The following LRRC57 variants were observed in gnomAD, a reference collection of about 807,000 sequenced individuals.
LRRC57 encodes the protein leucine rich repeat containing 57.
Under a neutral mutation model 23.1 loss-of-function variants are expected in LRRC57, and 14 were observed. The observed-to-expected ratio is 0.61, with a 90% CI of 0.40 to 0.95. The LOEUF (loss-of-function observed/expected upper bound fraction) is 0.95. Ranked by LOEUF, LRRC57 falls within the 40% of genes least tolerant of loss-of-function variation. LRRC57 has a pLI of 0.00. For synonymous variants in LRRC57, 106 were observed against 115.2 expected (o/e 0.92, Z 0.51); for missense variants, 236 against 284.4 (o/e 0.83, Z 1.22).
In LRRC57 at chr15:42,544,072, C is replaced by T; in HGVS notation, c.*11G>A. Reference sequence around the variant, plus strand: ...CAGTATCCTGTAAGGTTTCCATAGTCCTGGAGAACTTCACGCAAACTTCTT... The same window carrying T: ...CAGTATCCTGTAAGGTTTCCATAGTTCTGGAGAACTTCACGCAAACTTCTT... On this transcript the variant is annotated 3_prime_UTR_variant, in exon 6 of 6. Coordinates refer to ENST00000397130, the MANE Select transcript of LRRC57 (RefSeq NM_153260.3). 6.2e-7 allele frequency: 1 copy of T among 1,612,736 alleles called. No individual in the cohort carries two copies. The highest frequency in any genetic ancestry group is 1.3e-5 in the African/African-American group (1 of 74,932).
At chr15:42,534,086 G>A (rs2057587386), downstream of LRRC57, among the ~76,000 whole-genome samples, 1 of 152,138 alleles carries the variant, frequency 6.6e-6, no homozygotes, top group South Asian at 2.1e-4. Flanking sequence ...GCTGGGTGTG[G>A]TGGCATGTGC....
chr15:42,532,404 T>C, the LRRC57 span: 1 of 152,226 alleles, frequency 6.6e-6, no homozygotes, highest in African/African-American at 2.4e-5. Flanking sequence ...TAAAGTGAGC[T>C]TAATTTCTGA....
downstream of LRRC57, among the ~76,000 whole-genome samples, chr15:42,536,304 T>C (rs566487513): frequency 1.1e-4 from 16 of 152,328 alleles, no homozygotes; most frequent in Non-Finnish European, 1.3e-4. Context: ...GTGAAAAAAC[T>C]TAATGGAGTG....
At chr15:42,528,710 C>T in the LRRC57 span, among the ~76,000 whole-genome samples, 8 of 152,044 alleles carry the variant, frequency 5.3e-5, no homozygotes, top group African/African-American at 1.4e-4. Context: ...CTCAGCCTTC[C>T]GAGTAGCTGG....
At position 42,545,133 on chromosome 15, in the gene LRRC57, C is replaced by T; in HGVS notation, c.622G>A (p.Val208Met). Residue 208 changes from valine to methionine, a missense_variant, in exon 5 of 6, where the codon GTG (valine) becomes ATG (methionine). By Grantham distance (21) the Val-to-Met change is conservative. Coordinates refer to ENST00000397130, the MANE Select transcript of LRRC57 (RefSeq NM_153260.3). ...LSDSQICLLA[V>M]EGNLFEIKKL... ...TTTATTTCAAAAAGATTGCCTTCCA[C>T]AGCAAGCAGACAGATCTGGGAATCA... 1 of 1,609,148 alleles carries T rather than the reference C, an allele frequency of 6.2e-7. No homozygotes were observed. Among genetic ancestry groups the T allele is most frequent in the Non-Finnish European group, 8.5e-7 (1 of 1,177,970 alleles).
At chr15:42,529,195 A>C in the LRRC57 span, among the ~76,000 whole-genome samples, 1 of 152,214 alleles carries the variant, frequency 6.6e-6, no homozygotes, top group Non-Finnish European at 1.5e-5. Flanking sequence ...TTTGAATAAC[A>C]CTTGATTTAC....
rs1274839748 is a variant in LRRC57 at position 42,545,202 on chromosome 15, C to A, written c.553G>T (p.Glu185Ter). 1 of 1,609,080 alleles carries A rather than the reference C, an allele frequency of 6.2e-7. No individual in the cohort carries two copies. The highest frequency in any genetic ancestry group is 8.5e-7 in the Non-Finnish European group (1 of 1,178,164). The change falls in exon 5 of 6, where the codon GAG becomes TAG. Residue 185 changes from glutamate to a stop codon, truncating the protein, a stop_gained. Transcript: ENST00000397130. LOFTEE classifies it high-confidence loss of function. ...CPRLKILRLEENCLELSMLPQ... is the reference protein window; with the variant it reads ...CPRLKILRLE Reference sequence around the variant, plus strand: ...AGCATGCTGAGCTCAAGACAATTCTCTTCCAGGCGAAGAATTTTAAGGCGT... The same window carrying A: ...AGCATGCTGAGCTCAAGACAATTCTATTCCAGGCGAAGAATTTTAAGGCGT...
the LRRC57 span, chr15:42,531,651 G>A: frequency 1.7e-5 from 8 of 467,408 alleles, no homozygotes; most frequent in South Asian, 4.3e-5. Flanking sequence ...GTTGAGGGCC[G>A]ACTGCTGCTC....
rs2057633886 is a variant in LRRC57, at chr15:42,542,191, G to A, written c.*1892C>T. On this transcript the variant is annotated 3_prime_UTR_variant, in exon 6 of 6. Coordinates refer to ENST00000397130, the MANE Select transcript of LRRC57 (RefSeq NM_153260.3). ...AGCCTCCTGAGTATCTGGGATTACAGGCACGTGCCACCACACCCAGCTAAT... is the reference window on the plus strand; with the variant it reads ...AGCCTCCTGAGTATCTGGGATTACAAGCACGTGCCACCACACCCAGCTAAT... 6.6e-6 allele frequency: 1 copy of A among 151,910 alleles called. No homozygotes were observed. Among genetic ancestry groups the A allele is most frequent in the African/African-American group, 2.4e-5 (1 of 41,306 alleles). The allele number at this position is 151,910 out of a possible 1,614,324, so 9.4% of individuals were successfully genotyped here.
the LRRC57 span, chr15:42,531,390 CT>C: frequency 6.7e-7 from 1 of 1,497,786 alleles, no homozygotes; most frequent in Non-Finnish European, 8.9e-7. Flanking sequence ...CCTTGTAAAG[CT>C]GATATCTTTC....
Position 42,538,606 on chromosome 15 carries a change from T to C in LRRC57, c.*5477A>G, listed in dbSNP as rs1017803290. ...GTGTCCACTCCAAGCCTTCTATTTC[T>C]GTACAACTTGTAAAATTCTACTTTC... On this transcript the variant is annotated 3_prime_UTR_variant, in exon 6 of 6. Transcript: ENST00000397130. 6.6e-6 allele frequency: 1 copy of C among 152,174 alleles called. No individual in the cohort carries two copies. The highest frequency in any genetic ancestry group is 1.5e-5 in the Non-Finnish European group (1 of 68,042). The allele number at this position is 152,174 out of a possible 1,614,324, so 9.4% of individuals were successfully genotyped here.
downstream of LRRC57, among the ~76,000 whole-genome samples, chr15:42,533,438 C>G (rs937280214): frequency 6.6e-6 from 1 of 152,168 alleles, no homozygotes. Flanking sequence ...TGCAACTACA[C>G]CCTCTGTAAT....
chr15:42,548,265 C>A (rs755734300), intron 2 of LRRC57, 21 bp from the exon 3 acceptor site: 1 of 1,614,184 alleles, frequency 6.2e-7, no homozygotes. Context: ...GAGTTCACAG[C>A]GTGGGGAATC....
the LRRC57 span, chr15:42,531,579 A>T: frequency 1.2e-6 from 1 of 836,320 alleles, no homozygotes. Context: ...CGCTCTTCTA[A>T]TTGGGAGATA....
chr15:42,544,842 C>CACAATATATATATATATA, intron 5 of LRRC57, among the ~76,000 whole-genome samples: 3 of 98,034 alleles, frequency 3.1e-5, no homozygotes, highest in African/African-American at 1.3e-4. Flanking sequence ...CACACACACA[C>CACAATATATATATATATA]TATATATATA....
chr15:42,530,996 A>G, the LRRC57 span, among the ~76,000 whole-genome samples: 8 of 152,202 alleles, frequency 5.3e-5, no homozygotes, highest in Non-Finnish European at 1.2e-4. Context: ...CAGTCTCTCC[A>G]GGTTAGACTT....
rs1279501544 is a variant in LRRC57 at position 42,543,961 on chromosome 15, T to C, written c.*122A>G. On this transcript the variant is annotated 3_prime_UTR_variant, in exon 6 of 6. Transcript: ENST00000397130. ...AAAGATCATTGAGTGAAATATAATC[T>C]CCTGAAGTATCATCTCCTTACTGTA... 3.2e-6 allele frequency: 2 copies of C among 631,294 alleles called. No homozygotes were observed. The highest frequency in any genetic ancestry group is 5.6e-6 in the Non-Finnish European group (2 of 357,002). The allele number at this position is 631,294 out of a possible 1,614,324, so 39.1% of individuals were successfully genotyped here.
In LRRC57 at chr15:42,544,678, C is replaced by T. The variant is rs533846000; in HGVS notation, c.678+399G>A. 2.0e-5 allele frequency among the ~76,000 whole-genome samples: 3 copies of T among 151,436 alleles called. No homozygotes were observed. The South Asian group carries it at 6.2e-4, about 31-fold the overall frequency. ...TCCCTGCAAAAGTTAGCAAGGCATACTGGCACACGACTGTGATCCCAGCTA... is the reference window on the plus strand; with the variant it reads ...TCCCTGCAAAAGTTAGCAAGGCATATTGGCACACGACTGTGATCCCAGCTA... On this transcript the variant is annotated intron_variant, in intron 5 of 5. Transcript: ENST00000397130.
the LRRC57 span, chr15:42,531,586 G>T: frequency 2.6e-6 from 2 of 779,252 alleles, no homozygotes; most frequent in East Asian, 2.7e-5. Context: ...CTAATTGGGA[G>T]ATAATATGGA....
Sources: gnomAD v4.1 joint callset for allele counts (sites outside exome capture counted in the v4.1 genomes callset) on GRCh38, gnomAD v4.1.1 for gene constraint, MANE v1.5 for transcripts, NCBI Gene and HGNC (gene_info 2026-07-23, HGNC 2026-07-21) for gene names.